The following AMELY variants were observed in gnomAD, a reference collection of about 807,000 sequenced individuals.
AMELY encodes the protein amelogenin Y-linked.
AMELY carries 4 observed loss-of-function variants against 4.2 expected under a neutral mutation model. That is an observed-to-expected ratio of 0.96 (90% CI 0.47 to 2.19). The LOEUF is 2.19. Among genes scored for constraint, AMELY ranks in the 30% most tolerant of loss-of-function variants. AMELY has a pLI of 0.02. For missense variants in AMELY, 32 were observed against 41.5 expected, an observed-to-expected ratio of 0.77 and a Z score of 0.63; for synonymous variants, 11 against 14.7, an observed-to-expected ratio of 0.75 and a Z score of 0.57.
At chrY:6,878,334 CAAT>C (rs2054072920) in intron 1 of AMELY, among the ~76,000 whole-genome samples, 1 of 33,002 alleles carries the variant, frequency 3.0e-5, no homozygotes, top group Non-Finnish European at 7.4e-5. Flanking sequence ...GACCACACAA[CAAT>C]GATACATTAC....
intron 1 of AMELY, among the ~76,000 whole-genome samples, chrY:6,893,861 T>C (rs2054084882): frequency 3.0e-5 from 1 of 33,475 alleles, no homozygotes; most frequent in Admixed American, 2.8e-4. Flanking sequence ...TTCAACTCTT[T>C]CCATAGCTTG....
intron 1 of AMELY, among the ~76,000 whole-genome samples, chrY:6,904,827 T>A: frequency 3.0e-5 from 1 of 33,445 alleles, no homozygotes; most frequent in Admixed American, 2.8e-4. Context: ...GCATGGTGAC[T>A]TGATGACCCA....
At chrY:6,879,290 C>G (rs2124081831) in intron 1 of AMELY, among the ~76,000 whole-genome samples, 1 of 33,697 alleles carries the variant, frequency 3.0e-5, no homozygotes, top group South Asian at 6.6e-4. Context: ...TGATCATGAG[C>G]ATTTTTTCAT....
chrY:6,884,055 C>T (rs902965462), intron 1 of AMELY, among the ~76,000 whole-genome samples: 8 of 32,701 alleles, frequency 2.4e-4, no homozygotes, highest in African/African-American at 7.2e-4. Context: ...AAAACTTTTT[C>T]AGTGATAGAC....
intron 1 of AMELY, among the ~76,000 whole-genome samples, chrY:6,879,037 T>C: frequency 3.0e-5 from 1 of 33,570 alleles, no homozygotes; most frequent in Non-Finnish European, 7.4e-5. Flanking sequence ...ACTTTGGGTA[T>C]ATACCCAGTA....
At chrY:6,881,492 T>C (rs2054074960) in intron 1 of AMELY, among the ~76,000 whole-genome samples, 1 of 33,235 alleles carries the variant, frequency 3.0e-5, no homozygotes, top group South Asian at 6.7e-4. Context: ...AATATCATAC[T>C]GAATGGCCAA....
At chrY:6,879,415 G>A (rs2054073731) in intron 1 of AMELY, among the ~76,000 whole-genome samples, 1 of 33,656 alleles carries the variant, frequency 3.0e-5, no homozygotes, top group South Asian at 6.7e-4. Context: ...GTTCATTGTA[G>A]ATTCTGGATA....
intron 1 of AMELY, chrY:6,900,921 G>A (rs2054089077): frequency 4.7e-5 from 1 of 21,487 alleles, no homozygotes; most frequent in Middle Eastern, 0.022. Context: ...TTGGCTCACT[G>A]CAAGCTCCGC....
At chrY:6,884,512 C>G (rs1003034337) in intron 1 of AMELY, among the ~76,000 whole-genome samples, 5 of 32,521 alleles carry the variant, frequency 1.5e-4, no homozygotes, top group South Asian at 1.4e-3. Context: ...GGCTAAACAT[C>G]CCACTTAAAA....
chrY:6,906,303 T>C, intron 1 of AMELY, among the ~76,000 whole-genome samples: 1 of 33,424 alleles, frequency 3.0e-5, no homozygotes, highest in Non-Finnish European at 7.3e-5. Context: ...ATAATATATA[T>C]ACACACTATG....
intron 1 of AMELY, among the ~76,000 whole-genome samples, chrY:6,904,562 C>T: frequency 3.0e-5 from 1 of 33,687 alleles, no homozygotes; most frequent in African/African-American, 1.2e-4. Flanking sequence ...CTCTTCTTTT[C>T]CTCTGTCAAC....
At chrY:6,870,081 A>G in intron 3 of AMELY, 28 bp from the exon 4 acceptor site, 1 of 372,449 alleles carries the variant, frequency 2.7e-6, no homozygotes, top group Non-Finnish European at 3.8e-6. Flanking sequence ...GGAGGAGAAG[A>G]GAAAGAGAGA....
chrY:6,883,177 A>G, intron 1 of AMELY, among the ~76,000 whole-genome samples: 1 of 33,276 alleles, frequency 3.0e-5, no homozygotes, highest in African/African-American at 1.2e-4. Flanking sequence ...TCACAATAGC[A>G]AAGACTTGGA....
At chrY:6,886,835 T>G (rs2054080381) in intron 1 of AMELY, among the ~76,000 whole-genome samples, 2 of 33,412 alleles carry the variant, frequency 6.0e-5, no homozygotes, top group Non-Finnish European at 1.5e-4. Flanking sequence ...AGCTAAAAAC[T>G]CTTCAGATTT....
At chrY:6,887,768 C>T (rs1019179353) in intron 1 of AMELY, among the ~76,000 whole-genome samples, 7 of 32,614 alleles carry the variant, frequency 2.1e-4, no homozygotes, top group African/African-American at 8.4e-4. Flanking sequence ...ATGCAGTGTT[C>T]GATTTTCTGT....
At chrY:6,872,507 C>G (rs1310994234) in intron 3 of AMELY, 48 bp downstream of exon 3, 1 of 369,456 alleles carries the variant, frequency 2.7e-6, no homozygotes, top group Non-Finnish European at 3.8e-6. Flanking sequence ...ATTCTTATTT[C>G]CACGTTTGTA....
chrY:6,892,967 C>T (rs2054084366), intron 1 of AMELY, among the ~76,000 whole-genome samples: 1 of 33,839 alleles, frequency 3.0e-5, no homozygotes, highest in African/African-American at 1.2e-4. Context: ...GTAAAATGCA[C>T]TCCTTACCAG....
At chrY:6,891,359 G>A (rs2054082840) in intron 1 of AMELY, among the ~76,000 whole-genome samples, 1 of 33,660 alleles carries the variant, frequency 3.0e-5, no homozygotes, top group Non-Finnish European at 7.4e-5. Context: ...CTCTGACCAC[G>A]AGTGCATGCA....
chrY:6,882,696 A>G (rs991698933), intron 1 of AMELY, among the ~76,000 whole-genome samples: 49 of 33,127 alleles, frequency 1.5e-3, no homozygotes, highest in Admixed American at 3.1e-3. Flanking sequence ...CAATTTATCC[A>G]TTTGACAAAG....
Sources: gnomAD v4.1 joint callset for allele counts (sites outside exome capture counted in the v4.1 genomes callset) on GRCh38, gnomAD v4.1.1 for gene constraint, MANE v1.5 for transcripts, NCBI Gene and HGNC (gene_info 2026-07-23, HGNC 2026-07-21) for gene names.